Variants in RELN observed in about 807,000 individuals in gnomAD.
RELN encodes the protein reelin.
Under a neutral mutation model 427.6 loss-of-function variants are expected in RELN, and 108 were observed. That is an observed-to-expected ratio of 0.25 (90% confidence interval 0.22 to 0.30). RELN has a LOEUF of 0.30. Among genes scored for constraint, RELN ranks in the 10% least tolerant of loss-of-function variants. The pLI is 1.00. For missense variants in RELN, 3,715 were observed against 4,302.8 expected (o/e 0.86, Z 3.82); for synonymous variants, 1,524 against 1,513.4 (o/e 1.01, Z -0.16).
chr7:103,741,770 C>A (rs505394), intron 6 of RELN, among the ~76,000 whole-genome samples: 96,844 of 151,894 alleles, frequency 0.64, 31,787 homozygotes, highest in African/African-American at 0.81. Flanking sequence ...CTTCACACTG[C>A]AACTGTAATA....
In RELN at chr7:103,569,365, CA is replaced by C. The variant is rs1187372533; in HGVS notation, c.4589-2607del. On this transcript the variant is annotated intron_variant, in intron 31 of 64. Coordinates refer to ENST00000428762, the MANE Select transcript of RELN (RefSeq NM_005045.4). This position sits in a 1 kb window ranked among gnomAD's most constrained non-coding sequence, Gnocchi z 4.0. ...GCTTTTGTCCTGACTGCAACCTCAC[CA>C]GAGACCCTGGGCCAGAACCATTTAG... Among the ~76,000 whole-genome samples, 4 of 152,216 alleles carry C rather than the reference CA, an allele frequency of 2.6e-5. No individual in the cohort carries two copies. In the East Asian group the frequency reaches 5.8e-4, roughly 22 times the overall value.
At chr7:103,633,510 G>C (rs1206724592) in intron 19 of RELN, among the ~76,000 whole-genome samples, 1 of 151,158 alleles carries the variant, frequency 6.6e-6, no homozygotes, top group East Asian at 1.9e-4. Context: ...AGGCGTTTTT[G>C]CTACCATTAC....
chr7:103,807,626 C>G (rs571174399), intron 3 of RELN, among the ~76,000 whole-genome samples: 1 of 152,180 alleles, frequency 6.6e-6, no homozygotes, highest in South Asian at 2.1e-4. Context: ...CCTCCCCTCT[C>G]AAGCAGTCCC....
intron 10 of RELN, among the ~76,000 whole-genome samples, chr7:103,692,435 C>A (rs1004920728): frequency 2.0e-5 from 3 of 152,076 alleles, no homozygotes; most frequent in African/African-American, 7.2e-5. Context: ...CTGCCTCTTG[C>A]CTCTTCTTCT....
At chr7:103,677,742 G>T (rs929797995) in intron 11 of RELN, among the ~76,000 whole-genome samples, 2 of 139,558 alleles carry the variant, frequency 1.4e-5, no homozygotes, top group Non-Finnish European at 3.1e-5. Flanking sequence ...CTCCAGCCTG[G>T]GCGACAGAGT....
Position 103,824,522 on chromosome 7 carries a change from T to C in RELN, c.473+9015A>G, listed in dbSNP as rs1426891175. ...CCAGATCTAGGACCTAAATCAGGTT[T>C]AAGAGACCTGCAGGCCACCACAATG... On this transcript the variant is annotated intron_variant, in intron 3 of 64. Transcript: ENST00000428762. This position sits in a 1 kb window ranked among gnomAD's most constrained non-coding sequence, Gnocchi z 4.4. Among the ~76,000 whole-genome samples the C allele has an allele frequency of 6.6e-6, 1 of 151,974 alleles. No homozygotes were observed. The highest frequency in any genetic ancestry group is 1.5e-5 in the Non-Finnish European group (1 of 67,966).
chr7:103,630,868 T>TG (rs1342679949), intron 19 of RELN, among the ~76,000 whole-genome samples: 3 of 149,718 alleles, frequency 2.0e-5, no homozygotes, highest in African/African-American at 7.4e-5. Flanking sequence ...TTGTTTTTTT[T>TG]TTTTTTGTTT....
intron 3 of RELN, among the ~76,000 whole-genome samples, chr7:103,803,489 T>A (rs1055116865): frequency 2.0e-5 from 3 of 152,100 alleles, no homozygotes; most frequent in African/African-American, 7.2e-5. Flanking sequence ...GCTGGAGTGA[T>A]GATAATTGCA....
At chr7:103,926,902 C>A (rs1462696397) in intron 1 of RELN, among the ~76,000 whole-genome samples, 3 of 152,008 alleles carry the variant, frequency 2.0e-5, no homozygotes, top group African/African-American at 4.8e-5. Context: ...CCCTTGGCCT[C>A]CCAAAGTGCT....
At position 103,486,384 on chromosome 7, in the gene RELN, G is replaced by A. The variant is rs544906913; in HGVS notation, c.9796C>T (p.Pro3266Ser). ...DDCSVFSHDL[P>S]SYIKDNFESA... Reference sequence around the variant, plus strand: ...TCAAAATTATCTTTAATATAACTGGGAAGGTCGTGACTGAAAACAGAGCAG... The same window carrying A: ...TCAAAATTATCTTTAATATAACTGGAAAGGTCGTGACTGAAAACAGAGCAG... The change falls in exon 61 of 65, where the codon CCC becomes TCC. Residue 3266 changes from proline (P) to serine (S), a missense_variant. By Grantham distance (74) the Pro-to-Ser change is moderately conservative. Coordinates refer to ENST00000428762, the MANE Select transcript of RELN (RefSeq NM_005045.4). The A allele has an allele frequency of 7.1e-5, 114 of 1,614,106 alleles. 1 individual carries two copies. The South Asian group carries it at 1.2e-3, about 17-fold the overall frequency.
At chr7:103,920,567 G>GTTTTTT (rs530809994) in intron 1 of RELN, among the ~76,000 whole-genome samples, 12 of 134,236 alleles carry the variant, frequency 8.9e-5, no homozygotes, top group East Asian at 4.4e-4. Flanking sequence ...CCAGTCTTTG[G>GTTTTTT]TTTTTTTTTT....
intron 11 of RELN, among the ~76,000 whole-genome samples, chr7:103,663,122 C>T (rs1168033331): frequency 2.0e-5 from 3 of 152,164 alleles, no homozygotes; most frequent in Non-Finnish European, 4.4e-5. Flanking sequence ...AAACACCTTT[C>T]TGTACAGTCT....
At chr7:103,726,193 C>T (rs1790206807) in intron 7 of RELN, among the ~76,000 whole-genome samples, 1 of 152,114 alleles carries the variant, frequency 6.6e-6, no homozygotes, top group Non-Finnish European at 1.5e-5. Context: ...TTTGATTGAT[C>T]TGTCTTCTAT....
At chr7:103,728,063 T>C (rs769584847) in intron 7 of RELN, 48 bp downstream of exon 7, 1 of 1,585,386 alleles carries the variant, frequency 6.3e-7, no homozygotes, top group South Asian at 1.1e-5. Flanking sequence ...GGCAAAAAGC[T>C]CAGTAAATAC....
intron 22 of RELN, among the ~76,000 whole-genome samples, chr7:103,609,665 G>A (rs1347858211): frequency 1.3e-5 from 2 of 152,134 alleles, no homozygotes. Flanking sequence ...CATAATGCAG[G>A]AATTCAATCT....
At chr7:103,630,255 C>G (rs1832422945) in intron 19 of RELN, 79 bp from the exon 20 acceptor site, 1 of 976,194 alleles carries the variant, frequency 1.0e-6, no homozygotes, top group African/African-American at 1.6e-5. Flanking sequence ...ATAGATTTCC[C>G]CTGAAGTATA....
intron 16 of RELN, among the ~76,000 whole-genome samples, chr7:103,648,751 G>A (rs184535731): frequency 5.0e-4 from 76 of 151,884 alleles, no homozygotes; most frequent in Non-Finnish European, 8.0e-4. Context: ...AAGAAAAAAC[G>A]TATAGTTCCA....
rs1012016314 is a variant in RELN at position 103,566,831 on chromosome 7, G to A, written c.4589-72C>T. On this transcript the variant is annotated intron_variant, in intron 31 of 64. Coordinates refer to ENST00000428762, the MANE Select transcript of RELN (RefSeq NM_005045.4). ...GGGAAGGAACAGTATTTCTTAAATG[G>A]TGAGACTGCAGCAACCTCAAATTGT... 4 of 1,462,068 alleles carry A rather than the reference G, an allele frequency of 2.7e-6. No individual in the cohort carries two copies. The African/African-American group carries it at 4.2e-5, about 15-fold the overall frequency. The allele number at this position is 1,462,068 out of a possible 1,614,324, so 90.6% of individuals were successfully genotyped here.
rs147779506 is a variant in RELN at position 103,631,138 on chromosome 7, T to A, written c.2466-962A>T. On this transcript the variant is annotated intron_variant, in intron 19 of 64. Coordinates refer to ENST00000428762, the MANE Select transcript of RELN (RefSeq NM_005045.4). The stretch of plus-strand genomic sequence containing the variant: ...CATGGATATATGGGGTAGACTAACA[T>A]GACTATCACCATTGATTATACAAAC... Among the ~76,000 whole-genome samples, 141 of 152,040 alleles carry A rather than the reference T, an allele frequency of 9.3e-4. 2 individuals carry two copies. The highest frequency in any genetic ancestry group is 3.2e-3 in the African/African-American group (131 of 41,506).
Sources: allele counts gnomAD v4.1 joint callset (sites outside exome capture counted in the v4.1 genomes callset), GRCh38; gene constraint gnomAD v4.1.1; non-coding constraint Gnocchi (gnomAD v3.1); transcripts MANE v1.5; gene names NCBI Gene and HGNC (gene_info 2026-07-23, HGNC 2026-07-21).